Variants in PRPH2 observed in about 807,000 individuals in gnomAD.
PRPH2 encodes the protein peripherin-2.
Under a neutral mutation model 31.3 loss-of-function variants are expected in PRPH2, and 17 were observed. That is an observed-to-expected ratio of 0.54 (90% CI 0.37 to 0.81). PRPH2 has a LOEUF of 0.81. PRPH2 is among the 40% of genes least tolerant of loss of function. PRPH2 has a pLI of 0.00. For missense variants in PRPH2, 430 were observed against 439.7 expected (o/e 0.98, Z 0.20); for synonymous variants, 165 against 184.4 (o/e 0.89, Z 0.85).
chr6:42,718,681 C>T (rs1761835756), intron 1 of PRPH2, among the ~76,000 whole-genome samples: 1 of 151,836 alleles, frequency 6.6e-6, no homozygotes, highest in African/African-American at 2.4e-5. Flanking sequence ...TAGGGTCTTA[C>T]TCTGTCACCT....
At position 42,706,587 on chromosome 6, in the gene PRPH2, C is replaced by CA. The variant is rs958650800; in HGVS notation, c.582-1977dup. On this transcript the variant is annotated intron_variant, in intron 1 of 2. Transcript: ENST00000230381. ...GCCAGTGAGACTCTGTCTCAAAAAA[C>CA]AAAAAAAAAAGAAAGAAAGGAAAAA... 3.9e-3 allele frequency among the ~76,000 whole-genome samples: 361 copies of CA among 93,302 alleles called. 3 individuals are homozygous for CA. The highest frequency in any genetic ancestry group is 0.014 in the African/African-American group (325 of 23,422). 61.2% of individuals were successfully genotyped at this position (93,302 alleles called of 152,430 possible).
intron 1 of PRPH2, among the ~76,000 whole-genome samples, chr6:42,705,092 A>G (rs1288037706): frequency 6.6e-6 from 1 of 152,166 alleles, no homozygotes; most frequent in Non-Finnish European, 1.5e-5. Context: ...GGGCCTGTGC[A>G]GAGGCAGGGG....
At chr6:42,706,467 T>C (rs1800166631) in intron 1 of PRPH2, among the ~76,000 whole-genome samples, 1 of 146,632 alleles carries the variant, frequency 6.8e-6, no homozygotes, top group Admixed American at 6.7e-5. Context: ...TAGCCAGGCG[T>C]TGTGGTGCAT....
intron 1 of PRPH2, among the ~76,000 whole-genome samples, chr6:42,718,551 C>T (rs1038343653): frequency 3.3e-5 from 5 of 152,032 alleles, no homozygotes; most frequent in African/African-American, 1.2e-4. Flanking sequence ...TCAGACTGCA[C>T]CCTTGGAAGA....
At chr6:42,702,552 C>A (rs568375636) in intron 2 of PRPH2, among the ~76,000 whole-genome samples, 1 of 67,042 alleles carries the variant, frequency 1.5e-5, no homozygotes, top group East Asian at 3.8e-4. Flanking sequence ...CTGTGCCTGG[C>A]ATATGGGTAC....
intron 2 of PRPH2, among the ~76,000 whole-genome samples, chr6:42,702,259 G>A (rs974034256): frequency 2.0e-5 from 3 of 151,158 alleles, no homozygotes; most frequent in Non-Finnish European, 2.9e-5. Context: ...AAAAAAAGGC[G>A]GCTTCCTGGA....
chr6:42,706,001 T>G (rs1582766666), intron 1 of PRPH2, among the ~76,000 whole-genome samples: 1 of 149,672 alleles, frequency 6.7e-6, no homozygotes, highest in Non-Finnish European at 1.5e-5. Flanking sequence ...CCAAGTGCAG[T>G]GGCTCACACC....
At chr6:42,700,500 G>A (rs1332324914) in intron 2 of PRPH2, among the ~76,000 whole-genome samples, 4 of 152,054 alleles carry the variant, frequency 2.6e-5, no homozygotes, top group African/African-American at 9.7e-5. Flanking sequence ...GAATGCTCTG[G>A]GACATTTTAT....
intron 1 of PRPH2, chr6:42,712,077 CTGGT>C (rs1338738647): frequency 1.7e-6 from 1 of 592,198 alleles, no homozygotes; most frequent in African/African-American, 2.0e-5. Flanking sequence ...ACCCAGACTA[CTGGT>C]TTATGAGGAA....
intron 1 of PRPH2, among the ~76,000 whole-genome samples, chr6:42,716,914 C>T (rs1377013517): frequency 4.4e-5 from 6 of 137,152 alleles, no homozygotes; most frequent in East Asian, 4.4e-4. Context: ...GCCACCTCAC[C>T]GGGCCTTTTT....
chr6:42,709,344 A>AAAAC (rs1800232790), intron 1 of PRPH2, among the ~76,000 whole-genome samples: 3 of 144,090 alleles, frequency 2.1e-5, no homozygotes, highest in Non-Finnish European at 3.0e-5. Flanking sequence ...TAAAAAAAAA[A>AAAAC]AAAAAAAAAA....
rs1800118693 is a variant in PRPH2 at position 42,704,612 on chromosome 6, C to T, written c.582-1G>A. 6.2e-7 allele frequency: 1 copy of T among 1,614,218 alleles called. No homozygotes were observed. Among genetic ancestry groups the T allele is most frequent in the Non-Finnish European group, 8.5e-7 (1 of 1,180,036 alleles). ...CCCATCCACGTTGCTCTTGATTCGACTTAAAGGGAAACAGACAGCTGGAGA... is the reference window on the plus strand; with the variant it reads ...CCCATCCACGTTGCTCTTGATTCGATTTAAAGGGAAACAGACAGCTGGAGA... On this transcript the variant is annotated splice_acceptor_variant, in intron 1 of 2. Transcript: ENST00000230381. LOFTEE classifies it high-confidence loss of function.
chr6:42,699,188 C>T (rs913823007), intron 2 of PRPH2, among the ~76,000 whole-genome samples: 5 of 151,944 alleles, frequency 3.3e-5, no homozygotes, highest in South Asian at 2.1e-4. Flanking sequence ...GAATAGCTAA[C>T]GTTGCAGGTG....
Position 42,722,395 on chromosome 6 carries a change from A to G in PRPH2, c.-61T>C. On this transcript the variant is annotated 5_prime_UTR_variant, in exon 1 of 3. Coordinates refer to ENST00000230381, the MANE Select transcript of PRPH2 (RefSeq NM_000322.5). The surrounding 1 kb of genome is among the most constrained non-coding windows in gnomAD (Gnocchi z 4.4). Reference sequence around the variant, plus strand: ...ACAGCTCCCACCCCAAACCTTAACGAGCCCAGAGGCGGAGACTTAGGGCCT... The same window carrying G: ...ACAGCTCCCACCCCAAACCTTAACGGGCCCAGAGGCGGAGACTTAGGGCCT... The G allele has an allele frequency of 6.2e-7, 1 of 1,604,172 alleles. No homozygotes were observed. The highest frequency in any genetic ancestry group is 8.5e-7 in the Non-Finnish European group (1 of 1,178,546).
At chr6:42,700,443 A>G (rs1800025949) in intron 2 of PRPH2, among the ~76,000 whole-genome samples, 1 of 152,220 alleles carries the variant, frequency 6.6e-6, no homozygotes, top group Non-Finnish European at 1.5e-5. Context: ...CCCAGCACCT[A>G]GAACAGTACC....
chr6:42,705,602 AT>A (rs1562424297), intron 1 of PRPH2, among the ~76,000 whole-genome samples: 9 of 11,824 alleles, frequency 7.6e-4, no homozygotes, highest in South Asian at 2.3e-3. Flanking sequence ...AAAAAAAAAT[AT>A]ATATATATAT....
At chr6:42,718,568 A>G (rs1463442088) in intron 1 of PRPH2, among the ~76,000 whole-genome samples, 1 of 152,176 alleles carries the variant, frequency 6.6e-6, no homozygotes, top group Non-Finnish European at 1.5e-5. Context: ...AAGAACACGT[A>G]GCCCACTGCA....
At position 42,698,031 on chromosome 6, in the gene PRPH2, AG is replaced by A. The variant is rs1469139397; in HGVS notation, c.*263del. ...CTGAGACAGCCCCCGAGTCACCAGG[AG>A]GGCATATCCTAGGGCAGCGGGCCTG... On this transcript the variant is annotated 3_prime_UTR_variant, in exon 3 of 3. Transcript: ENST00000230381. 3 of 504,750 alleles carry A rather than the reference AG, an allele frequency of 5.9e-6. No homozygotes were observed. The highest frequency in any genetic ancestry group is 2.2e-5 in the South Asian group (1 of 46,032). 31.3% of individuals were successfully genotyped at this position (504,750 alleles called of 1,614,324 possible).
chr6:42,706,561 C>T (rs563048801), intron 1 of PRPH2, among the ~76,000 whole-genome samples: 58 of 148,806 alleles, frequency 3.9e-4, no homozygotes, highest in Admixed American at 2.0e-4. Flanking sequence ...GCCGAGATCA[C>T]GCCAGTGAGA....
Sources: allele counts gnomAD v4.1 joint callset (sites outside exome capture counted in the v4.1 genomes callset), GRCh38; gene constraint gnomAD v4.1.1; non-coding constraint Gnocchi (gnomAD v3.1); transcripts MANE v1.5; gene names NCBI Gene and HGNC (gene_info 2026-07-23, HGNC 2026-07-21).